Variants in ZDHHC15 observed in about 807,000 individuals in gnomAD.
The protein encoded by ZDHHC15 is palmitoyltransferase ZDHHC15.
ZDHHC15 carries 19 observed loss-of-function variants against 31.7 expected under a neutral mutation model. The ratio of observed to expected loss-of-function variants is 0.60; its 90% CI spans 0.42 to 0.88. The LOEUF is 0.88. Among genes scored for constraint, ZDHHC15 ranks in the 40% least tolerant of loss-of-function variants. The pLI, the probability that ZDHHC15 is intolerant of heterozygous loss-of-function variation, is 0.00. For missense variants in ZDHHC15, 209 were observed against 251.2 expected, an observed-to-expected ratio of 0.83 and a Z score of 1.14; for synonymous variants, 103 against 90.0, an observed-to-expected ratio of 1.14 and a Z score of -0.82.
intron 10 of ZDHHC15, among the ~76,000 whole-genome samples, chrX:75,398,085 A>G (rs761640934): frequency 8.9e-5 from 10 of 112,111 alleles, no homozygotes; most frequent in African/African-American, 3.2e-4. Flanking sequence ...CAGGGGGCTG[A>G]GCAGTAACAG....
chrX:75,455,579 C>A (rs2147923192), intron 3 of ZDHHC15, among the ~76,000 whole-genome samples: 1 of 111,765 alleles, frequency 8.9e-6, no homozygotes, highest in African/African-American at 3.2e-5. Context: ...AGTGAACAGG[C>A]AACCTACAGA....
intron 2 of ZDHHC15, among the ~76,000 whole-genome samples, chrX:75,492,972 C>A (rs1472261238): frequency 5.4e-5 from 6 of 111,473 alleles, no homozygotes; most frequent in Admixed American, 9.6e-5. Context: ...AAAAATCCTT[C>A]AAAAAATCAG....
chrX:75,381,300 T>C (rs1470044242), intron 10 of ZDHHC15, among the ~76,000 whole-genome samples: 1 of 111,630 alleles, frequency 9.0e-6, no homozygotes, highest in Non-Finnish European at 1.9e-5. Flanking sequence ...TTATCTTTCT[T>C]CCCTAGTTTT....
intron 10 of ZDHHC15, among the ~76,000 whole-genome samples, chrX:75,398,956 T>C (rs1602563870): frequency 8.9e-6 from 1 of 112,025 alleles, no homozygotes; most frequent in Non-Finnish European, 1.9e-5. Context: ...TTCCTACAGG[T>C]GCCTTTGGGC....
intron 10 of ZDHHC15, among the ~76,000 whole-genome samples, chrX:75,411,698 T>G (rs1489506967): frequency 8.0e-5 from 9 of 112,022 alleles, no homozygotes; most frequent in Non-Finnish European, 1.5e-4. Context: ...AAAACCACAG[T>G]GCAATTTTGA....
At chrX:75,402,614 T>C (rs1280266850) in intron 10 of ZDHHC15, among the ~76,000 whole-genome samples, 2 of 111,539 alleles carry the variant, frequency 1.8e-5, no homozygotes, top group African/African-American at 6.5e-5. Flanking sequence ...TGAACACCTG[T>C]ATGCACACAA....
At chrX:75,484,022 A>G (rs2084737215) in intron 2 of ZDHHC15, among the ~76,000 whole-genome samples, 2 of 111,868 alleles carry the variant, frequency 1.8e-5, no homozygotes, top group Non-Finnish European at 3.8e-5. Context: ...TGTTGACTTA[A>G]TTTATGTTAA....
chrX:75,462,594 T>C (rs2084335682), intron 3 of ZDHHC15, among the ~76,000 whole-genome samples: 1 of 111,889 alleles, frequency 8.9e-6, no homozygotes, highest in African/African-American at 3.2e-5. Context: ...GCATAATAAA[T>C]TAGAGCTCAA....
At chrX:75,422,248 T>C (rs2083654645) in intron 8 of ZDHHC15, among the ~76,000 whole-genome samples, 1 of 111,816 alleles carries the variant, frequency 8.9e-6, no homozygotes, top group African/African-American at 3.3e-5. Context: ...GGGAAACACA[T>C]GGTGGCAGAA....
chrX:75,449,299 T>C (rs1444222475), intron 4 of ZDHHC15, among the ~76,000 whole-genome samples: 2 of 108,974 alleles, frequency 1.8e-5, no homozygotes, highest in African/African-American at 6.7e-5. Context: ...CTAACACACA[T>C]GGCTAAATCC....
chrX:75,457,439 C>T (rs889111360), intron 3 of ZDHHC15, among the ~76,000 whole-genome samples: 4 of 111,167 alleles, frequency 3.6e-5, no homozygotes, highest in African/African-American at 1.3e-4. Flanking sequence ...TTCCCTTTTA[C>T]TTCCTTTATG....
intron 2 of ZDHHC15, among the ~76,000 whole-genome samples, chrX:75,484,378 A>G (rs1452442064): frequency 1.8e-5 from 2 of 112,338 alleles, no homozygotes; most frequent in Non-Finnish European, 3.8e-5. Context: ...AAGACAACTC[A>G]ATAAAAAAAG....
Position 75,408,872 on chromosome X carries a change from T to C in ZDHHC15, c.967+8215A>G, listed in dbSNP as rs1267362077. Among the ~76,000 whole-genome samples the C allele has an allele frequency of 2.7e-5, 3 of 112,001 alleles. No individual in the cohort carries two copies. The East Asian group carries it at 8.3e-4, about 31-fold the overall frequency. Reference sequence around the variant, plus strand: ...ATAGTTACAAAGTATATAAAATACCTAGGAATTAATTTAAGAAGTGAAAGA... The same window carrying C: ...ATAGTTACAAAGTATATAAAATACCCAGGAATTAATTTAAGAAGTGAAAGA... On this transcript the variant is annotated intron_variant, in intron 10 of 11. Coordinates refer to ENST00000373367, the MANE Select transcript of ZDHHC15 (RefSeq NM_144969.3).
chrX:75,385,731 C>T (rs1044878964), intron 10 of ZDHHC15, among the ~76,000 whole-genome samples: 9 of 111,222 alleles, frequency 8.1e-5, no homozygotes, highest in African/African-American at 2.6e-4. Flanking sequence ...CTCTGCATTC[C>T]TTGCCACCAA....
chrX:75,381,078 T>C (rs1180013720), intron 10 of ZDHHC15, among the ~76,000 whole-genome samples: 2 of 111,288 alleles, frequency 1.8e-5, no homozygotes, highest in Non-Finnish European at 3.8e-5. Flanking sequence ...TATGACTTTA[T>C]ATAAGTCGCA....
At chrX:75,389,641 C>T (rs898326071) in intron 10 of ZDHHC15, among the ~76,000 whole-genome samples, 1 of 110,580 alleles carries the variant, frequency 9.0e-6, no homozygotes, top group African/African-American at 3.3e-5. Context: ...AGTGAAAGAC[C>T]CAGTCCTGCA....
intron 9 of ZDHHC15, 97 bp downstream of exon 9, chrX:75,421,767 C>G (rs1432128963): frequency 3.1e-6 from 3 of 973,229 alleles, no homozygotes; most frequent in Non-Finnish European, 4.2e-6. Flanking sequence ...GAGTTTCACA[C>G]TGGACTGATA....
At chrX:75,396,800 G>A (rs1449047702) in intron 10 of ZDHHC15, among the ~76,000 whole-genome samples, 1 of 111,262 alleles carries the variant, frequency 9.0e-6, no homozygotes, top group Non-Finnish European at 1.9e-5. Context: ...GAGTACTATT[G>A]AGCCATAAAA....
intron 4 of ZDHHC15, among the ~76,000 whole-genome samples, chrX:75,441,094 C>A (rs185261798): frequency 1.8e-5 from 2 of 112,168 alleles, no homozygotes; most frequent in Non-Finnish European, 3.8e-5. Flanking sequence ...TTGCTACAAG[C>A]ATCCCCATGG....
Sources: allele counts gnomAD v4.1 joint callset (sites outside exome capture counted in the v4.1 genomes callset), GRCh38; gene constraint gnomAD v4.1.1; transcripts MANE v1.5; gene names NCBI Gene and HGNC (gene_info 2026-07-23, HGNC 2026-07-21).